CCSER1: variants seen among roughly 807,000 people sequenced by gnomAD.
The protein encoded by CCSER1 is serine-rich coiled-coil domain-containing protein 1.
A neutral mutation model predicts 82.0 loss-of-function variants in CCSER1; 41 were observed. The observed-to-expected ratio is 0.50, with a 90% CI of 0.39 to 0.65. CCSER1 has a LOEUF of 0.65. CCSER1 is among the 30% of genes least tolerant of loss of function. The pLI is 0.00. For synonymous variants in CCSER1, 414 were observed against 383.9 expected (o/e 1.08, Z -0.92); for missense variants, 1,119 against 1,064.2 (o/e 1.05, Z -0.72).
chr4:91,130,022 C>T (rs1727863229), intron 10 of CCSER1: 1 of 151,840 alleles, frequency 6.6e-6, no homozygotes. Context: ...ATAAATAGAG[C>T]TCTGTCTCTT....
intron 5 of CCSER1, among the ~76,000 whole-genome samples, chr4:90,560,860 T>C (rs1778682957): frequency 6.6e-6 from 1 of 152,212 alleles, no homozygotes; most frequent in African/African-American, 2.4e-5. Flanking sequence ...GGTTTAATTC[T>C]GGATGTTTGA....
At chr4:91,592,083 T>C (rs923136936) in intron 10 of CCSER1, among the ~76,000 whole-genome samples, 1 of 151,924 alleles carries the variant, frequency 6.6e-6, no homozygotes, top group Non-Finnish European at 1.5e-5. Context: ...ACAGGCAGAG[T>C]CCCTACCCTT....
chr4:91,406,141 A>C (rs775399227), intron 10 of CCSER1, among the ~76,000 whole-genome samples: 2 of 152,192 alleles, frequency 1.3e-5, no homozygotes, highest in Non-Finnish European at 1.5e-5. Flanking sequence ...GCATAATAAG[A>C]GTCAAGACCC....
intron 1 of CCSER1, among the ~76,000 whole-genome samples, chr4:90,299,292 T>C (rs1336097956): frequency 6.6e-6 from 1 of 152,140 alleles, no homozygotes; most frequent in African/African-American, 2.4e-5. Context: ...CTGTCTTTGC[T>C]TATATACCAT....
chr4:90,235,161 G>A, intron 1 of CCSER1: 1 of 152,808 alleles, frequency 6.5e-6, no homozygotes, highest in Non-Finnish European at 1.5e-5. Context: ...TAGTGCTGCT[G>A]CCAACACTGC....
intron 1 of CCSER1, among the ~76,000 whole-genome samples, chr4:90,294,052 G>A (rs1213281531): frequency 2.0e-5 from 3 of 151,920 alleles, no homozygotes; most frequent in Non-Finnish European, 2.9e-5. Flanking sequence ...TTATTGTGTT[G>A]TTAAAATAAA....
At chr4:90,394,533 C>A (rs535048845) in intron 3 of CCSER1, among the ~76,000 whole-genome samples, 3 of 152,256 alleles carry the variant, frequency 2.0e-5, no homozygotes, top group African/African-American at 7.2e-5. Context: ...TAATAATTAG[C>A]ATTTCCTTAC....
chr4:90,966,244 T>C (rs958027326), intron 9 of CCSER1, among the ~76,000 whole-genome samples: 8 of 152,038 alleles, frequency 5.3e-5, no homozygotes, highest in African/African-American at 1.7e-4. Flanking sequence ...AACATTGATC[T>C]GCCTAAGAAA....
intron 1 of CCSER1, among the ~76,000 whole-genome samples, chr4:90,238,370 G>A (rs1746194135): frequency 6.6e-6 from 1 of 152,114 alleles, no homozygotes; most frequent in Non-Finnish European, 1.5e-5. Context: ...TTACAAGAAG[G>A]TCTTAATGAA....
chr4:90,790,720 GGTCAAA>G (rs1386869897), intron 7 of CCSER1, among the ~76,000 whole-genome samples: 3 of 152,082 alleles, frequency 2.0e-5, no homozygotes, highest in Non-Finnish European at 4.4e-5. Flanking sequence ...TCAGCATTTT[GGTCAAA>G]GTCATTCAAC....
In CCSER1 at chr4:91,150,013, G is replaced by A. The variant is rs546035135; in HGVS notation, c.2217+64019G>A. ...TAAAGTAGTTTTTTCCAATTCTGTG[G>A]AGAAAGTCATTGGTAGCTTGATGGG... On this transcript the variant is annotated intron_variant, in intron 10 of 10. Transcript: ENST00000509176. Among the ~76,000 whole-genome samples, 49 of 152,082 alleles carry A rather than the reference G, an allele frequency of 3.2e-4. No homozygotes were observed. The South Asian group carries it at 7.9e-3, about 25-fold the overall frequency.
chr4:90,466,402 G>A (rs1430781115), intron 4 of CCSER1, among the ~76,000 whole-genome samples: 1 of 152,188 alleles, frequency 6.6e-6, no homozygotes. Flanking sequence ...ACAACAGCTA[G>A]CAAGGTAAAA....
At chr4:90,764,514 G>A (rs577722619) in intron 7 of CCSER1, among the ~76,000 whole-genome samples, 16 of 152,060 alleles carry the variant, frequency 1.1e-4, no homozygotes, top group Non-Finnish European at 1.8e-4. Context: ...CCCAATAATG[G>A]TGGTTTTTGG....
intron 7 of CCSER1, among the ~76,000 whole-genome samples, chr4:90,770,995 G>T (rs1388150610): frequency 6.6e-6 from 1 of 152,044 alleles, no homozygotes; most frequent in Admixed American, 6.6e-5. Context: ...AATTACTAGA[G>T]GTGAGTAGTT....
chr4:90,142,352 G>A (rs1177266874), intron 1 of CCSER1, among the ~76,000 whole-genome samples: 1 of 152,158 alleles, frequency 6.6e-6, no homozygotes, highest in African/African-American at 2.4e-5. Flanking sequence ...AGTTTCTTTT[G>A]CAGCACTCTG....
chr4:91,356,252 A>G (rs951500524), intron 10 of CCSER1, among the ~76,000 whole-genome samples: 10 of 152,236 alleles, frequency 6.6e-5, no homozygotes, highest in East Asian at 5.8e-4. Flanking sequence ...CATAGAGTGT[A>G]AAGAGTTTTG....
intron 5 of CCSER1, among the ~76,000 whole-genome samples, chr4:90,575,889 C>T (rs568458361): frequency 1.3e-5 from 2 of 152,252 alleles, no homozygotes; most frequent in South Asian, 2.1e-4. Flanking sequence ...TCTGTCTTCA[C>T]TCTCATTCTC....
chr4:90,471,129 A>G (rs1764339330), intron 5 of CCSER1, among the ~76,000 whole-genome samples: 1 of 152,152 alleles, frequency 6.6e-6, no homozygotes, highest in African/African-American at 2.4e-5. Context: ...AATATAATGC[A>G]TGTATCTTTA....
chr4:90,722,019 G>T (rs2149367979), intron 6 of CCSER1, among the ~76,000 whole-genome samples: 1 of 151,708 alleles, frequency 6.6e-6, no homozygotes, highest in East Asian at 1.9e-4. Flanking sequence ...GTAAAATTTG[G>T]AGTCTGCTTT....
Sources: allele counts gnomAD v4.1 joint callset (sites outside exome capture counted in the v4.1 genomes callset), GRCh38; gene constraint gnomAD v4.1.1; transcripts MANE v1.5; gene names NCBI Gene and HGNC (gene_info 2026-07-23, HGNC 2026-07-21).